The following CDK11B variants were observed in gnomAD, a reference collection of about 807,000 sequenced individuals.
The protein encoded by CDK11B is cyclin dependent kinase 11B, also known as cyclin-dependent kinase 11B.
In CDK11B, 37 loss-of-function variants were observed where a neutral mutation model predicts 84.0. The ratio of observed to expected loss-of-function variants is 0.44; its 90% CI spans 0.34 to 0.58. The LOEUF is 0.58. CDK11B is among the 20% of genes least tolerant of loss of function. The pLI, the probability that CDK11B is intolerant of heterozygous loss-of-function variation, is 0.02. For synonymous variants in CDK11B, 269 were observed against 309.8 expected (o/e 0.87, Z 1.38); for missense variants, 427 against 834.0 (o/e 0.51, Z 6.01).
intron 11 of CDK11B, among the ~76,000 whole-genome samples, 171 bp downstream of exon 11, chr1:1,640,106 G>A (rs1301114305): frequency 9.5e-4 from 144 of 151,848 alleles, no homozygotes; most frequent in African/African-American, 3.3e-3. Context: ...GAAAGAGGCG[G>A]GACCTAGAAG....
chr1:1,656,133 G>A (rs1339641945), intron 2 of CDK11B, among the ~76,000 whole-genome samples: 1 of 152,090 alleles, frequency 6.6e-6, no homozygotes. Context: ...TTTGGGTTTG[G>A]CTCCAAAACA....
At chr1:1,639,121 A>G (rs1639853913) in intron 11 of CDK11B, among the ~76,000 whole-genome samples, 1 of 151,486 alleles carries the variant, frequency 6.6e-6, no homozygotes, top group Admixed American at 6.6e-5. Flanking sequence ...TTGTATTTTT[A>G]GTAGAGACAG....
At chr1:1,647,274 T>C (rs1324036478) in intron 5 of CDK11B, among the ~76,000 whole-genome samples, 1 of 152,286 alleles carries the variant, frequency 6.6e-6, no homozygotes, top group Non-Finnish European at 1.5e-5. Flanking sequence ...ATGTTCTTCC[T>C]CAGTATGGGT....
chr1:1,655,383 GTCTTC>G lies in CDK11B; in HGVS notation c.208_212del (p.Glu70LeufsTer10). The G allele has an allele frequency of 6.2e-7, 1 of 1,613,582 alleles. No homozygotes were observed. Among genetic ancestry groups the G allele is most frequent in the Non-Finnish European group, 8.5e-7 (1 of 1,179,600 alleles). On this transcript the variant is annotated frameshift_variant, in exon 3 of 20. Coordinates refer to ENST00000341832, the MANE Select transcript of CDK11B (RefSeq NM_033486.3). LOFTEE classifies it high-confidence loss of function. Reference sequence around the variant, plus strand: ...CATCCGCTCACCTGTCTTCCATAGAGTCTTCTCTTCTATACGGGGAGTTCCTTATT... The same window carrying G: ...CATCCGCTCACCTGTCTTCCATAGAGTCTTCTATACGGGGAGTTCCTTATT...
At chr1:1,650,392 G>A (rs1416953144) in intron 4 of CDK11B, among the ~76,000 whole-genome samples, 2 of 134,364 alleles carry the variant, frequency 1.5e-5, no homozygotes, top group Non-Finnish European at 3.1e-5. Context: ...TGGAGATGGA[G>A]TCTTGCTCTG....
chr1:1,657,493 A>G lies in CDK11B; in HGVS notation c.-8T>C. On this transcript the variant is annotated 5_prime_UTR_variant, in exon 2 of 20. Transcript: ENST00000341832. ...GTCCTTTTCATCACCCATTTGAGTT[A>G]AAACACTGCAAAAAGAAAAATAATT... The G allele has an allele frequency of 6.6e-7, 1 of 1,514,084 alleles. No homozygotes were observed. Among genetic ancestry groups the G allele is most frequent in the African/African-American group, 1.4e-5 (1 of 70,136 alleles). The allele number at this position is 1,514,084 out of a possible 1,614,324, so 93.8% of individuals were successfully genotyped here. A position where few individuals can be genotyped will look rare whatever the true frequency, so the allele number is the denominator to read the frequency against.
chr1:1,656,888 G>T (rs1381557664), intron 2 of CDK11B, among the ~76,000 whole-genome samples: 1 of 152,222 alleles, frequency 6.6e-6, no homozygotes, highest in Non-Finnish European at 1.5e-5. Context: ...AGGTATGCCT[G>T]TACTCACTAA....
intron 3 of CDK11B, chr1:1,654,235 C>A: frequency 2.3e-6 from 1 of 443,636 alleles, no homozygotes; most frequent in Non-Finnish European, 4.5e-6. Flanking sequence ...CAGTTCATGG[C>A]ACAGGAAGAA....
Position 1,637,412 on chromosome 1 carries a change from C to G in CDK11B, c.1566G>C (p.Leu522=), listed in dbSNP as rs747228446. 4.6e-5 allele frequency: 75 copies of G among 1,613,464 alleles called. No individual in the cohort carries two copies. The highest frequency in any genetic ancestry group is 6.4e-5 in the Non-Finnish European group (75 of 1,179,712). ...SLMETMKQPF[L]PGEVKTLMIQ... is the part of the protein sequence containing the mutation. Reference sequence around the variant, plus strand: ...GCCCCTGGGGCGCGGCTGTACCTGGCAGGAAGGGCTGTTTCATGGTCTCCA... The same window carrying G: ...GCCCCTGGGGCGCGGCTGTACCTGGGAGGAAGGGCTGTTTCATGGTCTCCA... The change falls in exon 14 of 20, where the codon CTG becomes CTC. Residue 522 remains leucine, a synonymous_variant. Coordinates refer to ENST00000341832, the MANE Select transcript of CDK11B (RefSeq NM_033486.3).
Position 1,650,268 on chromosome 1 carries a change from C to CAAAAAAAAA in CDK11B, c.356-640_356-632dup, listed in dbSNP as rs1212256890. ...CTGGGTGACAAGCAAGACTCCGTCC[C>CAAAAAAAAA]AAAAAAAAAAAAAAAAGAAATTAAA... On this transcript the variant is annotated intron_variant, in intron 4 of 19. Transcript: ENST00000341832. Among the ~76,000 whole-genome samples, 4 of 45,804 alleles carry CAAAAAAAAA rather than the reference C, an allele frequency of 8.7e-5. 1 individual carries two copies. Among genetic ancestry groups the CAAAAAAAAA allele is most frequent in the African/African-American group, 3.6e-4 (4 of 11,242 alleles). The allele number at this position is 45,804 out of a possible 152,430, so 30.0% of individuals were successfully genotyped here.
At position 1,658,938 on chromosome 1, in the gene CDK11B, G is replaced by GCCGCCGCCGCCGGTC; in HGVS notation, c.-53_-39dup. 1.0e-5 allele frequency: 2 copies of GCCGCCGCCGCCGGTC among 199,438 alleles called. No homozygotes were observed. Among genetic ancestry groups the GCCGCCGCCGCCGGTC allele is most frequent in the Non-Finnish European group, 2.0e-5 (2 of 97,980 alleles). The allele number at this position is 199,438 out of a possible 1,614,324, so 12.4% of individuals were successfully genotyped here. A position where few individuals can be genotyped will look rare whatever the true frequency, so the allele number is the denominator to read the frequency against. On this transcript the variant is annotated 5_prime_UTR_variant, in exon 1 of 20. Transcript: ENST00000341832. ...CCCCTACGCCGCCGCCGCTGCCGCC[G>GCCGCCGCCGCCGGTC]CCGCCGCCGCCGGTCCCGGAGCCAG...
At chr1:1,652,995 T>G (rs1642205519) in intron 3 of CDK11B, among the ~76,000 whole-genome samples, 1 of 151,942 alleles carries the variant, frequency 6.6e-6, no homozygotes, top group Non-Finnish European at 1.5e-5. Flanking sequence ...AGTGCTGGGA[T>G]TACAGGCGTG....
At chr1:1,653,005 G>C (rs1381213664) in intron 3 of CDK11B, among the ~76,000 whole-genome samples, 1 of 151,456 alleles carries the variant, frequency 6.6e-6, no homozygotes, top group Non-Finnish European at 1.5e-5. Context: ...TTACAGGCGT[G>C]AGCCACTGCG....
Position 1,658,931 on chromosome 1 carries a change from T to TGCCGCCGCCGCCGCC in CDK11B, c.-46_-32dup, listed in dbSNP as rs532220148. 3 of 195,580 alleles carry TGCCGCCGCCGCCGCC rather than the reference T, an allele frequency of 1.5e-5. No individual in the cohort carries two copies. The highest frequency in any genetic ancestry group is 6.3e-5 in the Admixed American group (1 of 15,874). 12.1% of individuals were successfully genotyped at this position (195,580 alleles called of 1,614,324 possible). A position where few individuals can be genotyped will look rare whatever the true frequency, so the allele number is the denominator to read the frequency against. On this transcript the variant is annotated 5_prime_UTR_variant, in exon 1 of 20. Coordinates refer to ENST00000341832, the MANE Select transcript of CDK11B (RefSeq NM_033486.3). ...GAACTCACCCCTACGCCGCCGCCGC[T>TGCCGCCGCCGCCGCC]GCCGCCGCCGCCGCCGCCGGTCCCG...
intron 3 of CDK11B, among the ~76,000 whole-genome samples, chr1:1,655,096 T>C (rs1202737459): frequency 1.3e-5 from 2 of 152,092 alleles, no homozygotes; most frequent in African/African-American, 4.8e-5. Flanking sequence ...CTGTGCAAAA[T>C]CCTATATAGT....
intron 4 of CDK11B, among the ~76,000 whole-genome samples, chr1:1,650,858 C>G (rs1466504065): frequency 6.6e-6 from 1 of 151,726 alleles, no homozygotes; most frequent in East Asian, 1.9e-4. Flanking sequence ...CAGTAAGCGT[C>G]TAATTATGAA....
At chr1:1,650,016 G>C (rs1394919436) in intron 4 of CDK11B, among the ~76,000 whole-genome samples, 1 of 150,004 alleles carries the variant, frequency 6.7e-6, no homozygotes, top group African/African-American at 2.5e-5. Context: ...GCTCACGCCT[G>C]TAATTCCAGC....
At chr1:1,655,301 C>T in intron 3 of CDK11B, 68 bp downstream of exon 3, 7 of 1,560,900 alleles carry the variant, frequency 4.5e-6, no homozygotes, top group Non-Finnish European at 6.1e-6. Context: ...GTCACAGCGA[C>T]CCTAGGAAGG....
chr1:1,650,132 T>A (rs1395971549), intron 4 of CDK11B, among the ~76,000 whole-genome samples: 3 of 149,098 alleles, frequency 2.0e-5, no homozygotes, highest in Non-Finnish European at 4.5e-5. Flanking sequence ...TAGCTGGGTG[T>A]GGTGGCGGGC....
Sources: allele counts gnomAD v4.1 joint callset (sites outside exome capture counted in the v4.1 genomes callset), GRCh38; gene constraint gnomAD v4.1.1; transcripts MANE v1.5; gene names NCBI Gene and HGNC (gene_info 2026-07-23, HGNC 2026-07-21).